The following CELSR1 variants were observed in gnomAD, a reference collection of about 807,000 sequenced individuals.
The protein encoded by CELSR1 is adhesion G protein-coupled receptor C1.
A neutral mutation model predicts 249.1 loss-of-function variants in CELSR1; 110 were observed. The ratio of observed to expected loss-of-function variants is 0.44; its 90% CI spans 0.38 to 0.52. The LOEUF (loss-of-function observed/expected upper bound fraction) is 0.52. Among genes scored for constraint, CELSR1 ranks in the 20% least tolerant of loss-of-function variants. The pLI is 0.00. For missense variants in CELSR1, 4,109 were observed against 4,296.4 expected (o/e 0.96, Z 1.22); for synonymous variants, 2,113 against 1,900.0 (o/e 1.11, Z -2.92).
At chr22:46,502,220 G>T (rs561727652) in intron 1 of CELSR1, among the ~76,000 whole-genome samples, 186 of 141,564 alleles carry the variant, frequency 1.3e-3, no homozygotes, top group Non-Finnish European at 2.5e-3. Context: ...CTATGATTGT[G>T]CCACTGCACT....
intron 2 of CELSR1, among the ~76,000 whole-genome samples, chr22:46,460,192 CACACACA>C (rs2080005697): frequency 2.0e-5 from 2 of 100,366 alleles, no homozygotes; most frequent in African/African-American, 3.8e-5. Flanking sequence ...CACACACACA[CACACACA>C]CACACACACA....
intron 32 of CELSR1, 22 bp downstream of exon 32, chr22:46,365,209 C>G (rs1040418790): frequency 1.2e-6 from 2 of 1,607,194 alleles, no homozygotes; most frequent in Non-Finnish European, 1.7e-6. Context: ...CCAGCCTGGC[C>G]CAATGTGCCC....
chr22:46,464,469 TC>T lies in CELSR1; in HGVS notation c.3545-125del. ...GAGAAGAGAGCCTGGGCATCCCCACTCCCCATTCCCCACCCATGACCACCAC... is the reference window on the plus strand; with the variant it reads ...GAGAAGAGAGCCTGGGCATCCCCACTCCCATTCCCCACCCATGACCACCAC... On this transcript the variant is annotated intron_variant, in intron 1 of 34. Transcript: ENST00000674500. This position sits in a 1 kb window ranked among gnomAD's most constrained non-coding sequence, Gnocchi z 8.5. 1.0e-6 allele frequency: 1 copy of T among 959,606 alleles called. No individual in the cohort carries two copies. Among genetic ancestry groups the T allele is most frequent in the Non-Finnish European group, 1.5e-6 (1 of 657,882 alleles). 59.4% of individuals were successfully genotyped at this position (959,606 alleles called of 1,614,324 possible).
rs990108740 is a variant in CELSR1, at chr22:46,463,830, C to T, written c.4060G>A (p.Gly1354Ser). 9.3e-6 allele frequency: 15 copies of T among 1,611,496 alleles called. No individual in the cohort carries two copies. The highest frequency in any genetic ancestry group is 1.3e-5 in the African/African-American group (1 of 74,916). The change falls in exon 2 of 35, where the codon GGC (glycine) becomes AGC (serine). Residue 1354 changes from glycine (G) to serine (S), a missense_variant. Gly to Ser is a moderately conservative substitution (Grantham distance 56). Around this residue, in one of 7 missense-constraint regions of CELSR1, gnomAD observed 141 missense variants for 209.4 expected, o/e 0.67. Coordinates refer to ENST00000674500, the MANE Select transcript of CELSR1 (RefSeq NM_001378328.1). ...GTCTCGCAGTAGTCGCCGGTGAAGC[C>T]GGGCGGGCAGCGGCAGCGCAGGCCG... ...INGLRCRCPPGFTGDYCETEI... is the reference protein window; with the variant it reads ...INGLRCRCPPSFTGDYCETEI...
At position 46,413,709 on chromosome 22, in the gene CELSR1, C is replaced by G. The variant is rs1453630740; in HGVS notation, c.4612-1950G>C. Among the ~76,000 whole-genome samples the G allele has an allele frequency of 6.6e-6, 1 of 152,220 alleles. No individual in the cohort carries two copies. Among genetic ancestry groups the G allele is most frequent in the Admixed American group, 6.5e-5 (1 of 15,284 alleles). Reference sequence around the variant, plus strand: ...ATAAGCTGTCTCCTTAAAGACTCCACTTTTGGTTAAGCAACAGGTAGGCGA... The same window carrying G: ...ATAAGCTGTCTCCTTAAAGACTCCAGTTTTGGTTAAGCAACAGGTAGGCGA... On this transcript the variant is annotated intron_variant, in intron 5 of 34. Transcript: ENST00000674500. The surrounding 1 kb of genome is among the most constrained non-coding windows in gnomAD (Gnocchi z 4.7).
intron 1 of CELSR1, among the ~76,000 whole-genome samples, chr22:46,479,519 C>T (rs567090168): frequency 3.3e-5 from 5 of 150,368 alleles, no homozygotes; most frequent in East Asian, 2.0e-4. Flanking sequence ...AAGCTCATCA[C>T]GGAGCCAGAG....
At position 46,391,053 on chromosome 22, in the gene CELSR1, C is replaced by T. The variant is rs2079084933; in HGVS notation, c.6250+133G>A. The T allele has an allele frequency of 5.7e-6, 4 of 706,694 alleles. No individual in the cohort carries two copies. The highest frequency in any genetic ancestry group is 2.8e-5 in the East Asian group (1 of 36,298). The allele number at this position is 706,694 out of a possible 1,614,324, so 43.8% of individuals were successfully genotyped here. On this transcript the variant is annotated intron_variant, in intron 16 of 34. Coordinates refer to ENST00000674500, the MANE Select transcript of CELSR1 (RefSeq NM_001378328.1). This position sits in a 1 kb window ranked among gnomAD's most constrained non-coding sequence, Gnocchi z 4.3. ...TATTTCCTGGTAGGGAAAAGGCGAT[C>T]GGATTTCTCCCCAGCACTTTGCCTG...
rs1438911247 is a variant in CELSR1 at position 46,536,665 on chromosome 22, C to T, written c.506G>A (p.Arg169His). The change falls in exon 1 of 35, where the codon CGT becomes CAT. Residue 169 changes from arginine to histidine, a missense_variant. Arg to His is a conservative substitution (Grantham distance 29). Around this residue, in one of 7 missense-constraint regions of CELSR1, gnomAD observed 673 missense variants for 636.8 expected, o/e 1.06. Coordinates refer to ENST00000674500, the MANE Select transcript of CELSR1 (RefSeq NM_001378328.1). ...PPRPRPRCPG[R>H]PICLPPGGSV... ...GCCGCCCGGCGGCAGGCAGATGGGA[C>T]GGCCGGGACAGCGGGGCCTGGGGCG... 6.9e-6 allele frequency: 8 copies of T among 1,163,398 alleles called. No homozygotes were observed. Among genetic ancestry groups the T allele is most frequent in the Admixed American group, 4.7e-5 (1 of 21,058 alleles). The allele number at this position is 1,163,398 out of a possible 1,614,324, so 72.1% of individuals were successfully genotyped here. A position where few individuals can be genotyped will look rare whatever the true frequency, so the allele number is the denominator to read the frequency against.
chr22:46,432,455 A>AG (rs1245737715), intron 5 of CELSR1, among the ~76,000 whole-genome samples: 1 of 152,142 alleles, frequency 6.6e-6, no homozygotes, highest in Non-Finnish European at 1.5e-5. Context: ...AGCGGGGCAC[A>AG]GCGGGGGTGG....
chr22:46,522,480 T>C (rs1173434373), intron 1 of CELSR1, among the ~76,000 whole-genome samples: 2 of 152,196 alleles, frequency 1.3e-5, no homozygotes, highest in African/African-American at 4.8e-5. Context: ...GCCACTTGTA[T>C]CTTTGGAAGA....
Position 46,396,934 on chromosome 22 carries a change from G to A in CELSR1, c.5702-188C>T, listed in dbSNP as rs1483319646. Reference sequence around the variant, plus strand: ...CGGGTTAGACTTAGTGATGCAGAGAGGAAGGCCTTCCCGGGCTGCCCCAAG... The same window carrying A: ...CGGGTTAGACTTAGTGATGCAGAGAAGAAGGCCTTCCCGGGCTGCCCCAAG... On this transcript the variant is annotated intron_variant, in intron 12 of 34. Transcript: ENST00000674500. The surrounding 1 kb of genome is among the most constrained non-coding windows in gnomAD (Gnocchi z 6.4). Among the ~76,000 whole-genome samples, 3 of 152,162 alleles carry A rather than the reference G, an allele frequency of 2.0e-5. No homozygotes were observed. Among genetic ancestry groups the A allele is most frequent in the Admixed American group, 6.6e-5 (1 of 15,260 alleles).
In CELSR1 at chr22:46,500,881, A is replaced by G. The variant is rs113639516; in HGVS notation, c.3544+32746T>C. The stretch of plus-strand genomic sequence containing the variant: ...CAGAGCTGTCCTTGTAAGCACGCCC[A>G]TGATGGGACCCGAAAATCAGCCCAT... On this transcript the variant is annotated intron_variant, in intron 1 of 34. Transcript: ENST00000674500. The surrounding 1 kb of genome is among the most constrained non-coding windows in gnomAD (Gnocchi z 4.9). Among the ~76,000 whole-genome samples the G allele has an allele frequency of 4.8e-3, 729 of 152,276 alleles. 9 individuals are homozygous for G. The highest frequency in any genetic ancestry group is 0.016 in the African/African-American group (646 of 41,554).
Position 46,432,943 on chromosome 22 carries a change from C to T in CELSR1, c.4611+450G>A, listed in dbSNP as rs73177081. 3.3e-3 allele frequency among the ~76,000 whole-genome samples: 498 copies of T among 152,292 alleles called. 1 individual carries two copies. The highest frequency in any genetic ancestry group is 6.1e-3 in the Non-Finnish European group (417 of 68,018). On this transcript the variant is annotated intron_variant, in intron 5 of 34. Transcript: ENST00000674500. ...CAGACCCTCCACAAATGTGCATTTCCTAAACCATTTTTTCCAATAGCACAT... is the reference window on the plus strand; with the variant it reads ...CAGACCCTCCACAAATGTGCATTTCTTAAACCATTTTTTCCAATAGCACAT...
rs2080745946 is a variant in CELSR1, at chr22:46,527,137, C to A, written c.3544+6490G>T. Among the ~76,000 whole-genome samples the A allele has an allele frequency of 6.6e-6, 1 of 152,186 alleles. No homozygotes were observed. The highest frequency in any genetic ancestry group is 2.4e-5 in the African/African-American group (1 of 41,438). ...AGGATGGAGGTGGCGACGGTACTTT[C>A]CATACCACAGTGTGGCGGCTGGAAA... is the stretch of plus-strand genomic sequence containing the variant. On this transcript the variant is annotated intron_variant, in intron 1 of 34. Coordinates refer to ENST00000674500, the MANE Select transcript of CELSR1 (RefSeq NM_001378328.1). The surrounding 1 kb of genome is among the most constrained non-coding windows in gnomAD (Gnocchi z 5.5).
In CELSR1 at chr22:46,396,610, C is replaced by G; in HGVS notation, c.5838G>C (p.Glu1946Asp). 1 of 1,577,762 alleles carries G rather than the reference C, an allele frequency of 6.3e-7. No homozygotes were observed. The highest frequency in any genetic ancestry group is 1.4e-5 in the African/African-American group (1 of 73,746). Residue 1946 changes from glutamate to aspartate, a missense_variant, in exon 13 of 35, where the codon GAG becomes GAC. Glu to Asp is a conservative substitution (Grantham distance 45). Transcript: ENST00000674500. The surrounding 1 kb of genome is among the most constrained non-coding windows in gnomAD (Gnocchi z 6.4). ...GCACCAGGGGCTGCTCTTACTTGTT[C>G]TCACAGTACGGCCCGTAGTGACTGG... The part of the protein sequence containing the change: ...CGPSHYGPYC[E>D]NKLDLPCPRG...
intron 20 of CELSR1, among the ~76,000 whole-genome samples, chr22:46,382,277 A>AT (rs1161948171): frequency 6.6e-6 from 1 of 152,016 alleles, no homozygotes. Flanking sequence ...TTCTATTTTT[A>AT]TTTATTTATT....
At position 46,396,408 on chromosome 22, in the gene CELSR1, A is replaced by G. The variant is rs543311276; in HGVS notation, c.5843+197T>C. On this transcript the variant is annotated intron_variant, in intron 13 of 34. Coordinates refer to ENST00000674500, the MANE Select transcript of CELSR1 (RefSeq NM_001378328.1). This position sits in a 1 kb window ranked among gnomAD's most constrained non-coding sequence, Gnocchi z 6.4. The stretch of plus-strand genomic sequence containing the variant: ...GGGTGACAGAGCAAGACTCTGTCTC[A>G]AAAAAATAAAAATAAAATAAAAATT... Among the ~76,000 whole-genome samples the G allele has an allele frequency of 7.5e-4, 114 of 152,242 alleles. 1 individual carries two copies. The South Asian group carries it at 0.022, about 29-fold the overall frequency.
rs74830051 is a variant in CELSR1, at chr22:46,367,110, G to A, written c.8088C>T (p.Phe2696=). Residue 2696 remains phenylalanine (F), a synonymous_variant, in exon 29 of 35, where the codon TTC becomes TTT. Transcript: ENST00000674500. The part of the protein sequence containing the change: ...FAIFSGLQGP[F]VLLFHCVLNQ... ...TGAGCACGCAGTGGAAAAGGAGGAC[G>A]AAGGGGCCCTGGAGGGAGGAAGGTG... 1.3e-3 allele frequency: 2,174 copies of A among 1,611,040 alleles called. 31 individuals are homozygous for A. The African/African-American group carries it at 0.026, about 19-fold the overall frequency.
At chr22:46,414,245 C>T (rs1397053889) in intron 5 of CELSR1, among the ~76,000 whole-genome samples, 2 of 152,200 alleles carry the variant, frequency 1.3e-5, no homozygotes, top group East Asian at 3.8e-4. Flanking sequence ...CCAGGATGTG[C>T]TGCTCGATTC....
Sources: gnomAD v4.1 joint callset for allele counts (sites outside exome capture counted in the v4.1 genomes callset) on GRCh38, gnomAD v4.1.1 for gene constraint, gnomAD v4.1.1 regional missense constraint, Gnocchi (gnomAD v3.1) non-coding constraint, MANE v1.5 for transcripts, NCBI Gene and HGNC (gene_info 2026-07-23, HGNC 2026-07-21) for gene names.